CFDP1: variants seen among roughly 807,000 people sequenced by gnomAD.
The protein encoded by CFDP1 is chromatin remodeling protein CFDP1.
In CFDP1, 31 loss-of-function variants were observed where a neutral mutation model predicts 40.1. The ratio of observed to expected loss-of-function variants is 0.77; its 90% CI spans 0.58 to 1.04. The LOEUF is 1.04. Ranked by LOEUF, CFDP1 falls within the 50% of genes least tolerant of loss-of-function variation. CFDP1 has a pLI of 0.00. For missense variants in CFDP1, 423 were observed against 343.4 expected (o/e 1.23, Z -1.83); for synonymous variants, 167 against 120.0 (o/e 1.39, Z -2.56).
chr16:75,337,074 T>A (rs1567649622), intron 5 of CFDP1, among the ~76,000 whole-genome samples: 1 of 152,132 alleles, frequency 6.6e-6, no homozygotes, highest in Non-Finnish European at 1.5e-5. Flanking sequence ...CACAAGTTTT[T>A]AAAAAAAATT....
At chr16:75,318,326 C>T (rs978388853) in intron 5 of CFDP1, among the ~76,000 whole-genome samples, 5 of 152,074 alleles carry the variant, frequency 3.3e-5, no homozygotes, top group African/African-American at 1.2e-4. Flanking sequence ...CAGGACAAAG[C>T]ACTGGGCAGA....
chr16:75,379,773 C>T (rs1354233404), intron 5 of CFDP1: 1 of 152,108 alleles, frequency 6.6e-6, no homozygotes, highest in African/African-American at 2.4e-5. Context: ...GGAATCTCTG[C>T]ACTAGTTTAT....
chr16:75,383,756 T>C (rs1009101291), intron 5 of CFDP1, among the ~76,000 whole-genome samples: 2 of 148,052 alleles, frequency 1.4e-5, no homozygotes, highest in African/African-American at 5.0e-5. Flanking sequence ...GAGGTGGAGG[T>C]TGCAGTAAGC....
At chr16:75,415,905 T>G (rs187949066) in intron 1 of CFDP1, among the ~76,000 whole-genome samples, 2 of 152,084 alleles carry the variant, frequency 1.3e-5, no homozygotes, top group Non-Finnish European at 2.9e-5. Context: ...CAGGCTGGAG[T>G]GCAGTGGCGC....
intron 4 of CFDP1, among the ~76,000 whole-genome samples, chr16:75,410,219 CTAAT>C (rs1246131226): frequency 2.6e-5 from 4 of 152,042 alleles, no homozygotes; most frequent in Non-Finnish European, 4.4e-5. Context: ...GCCTACAGGT[CTAAT>C]TAATTACTGC....
rs761375655 is a variant in CFDP1, at chr16:75,412,522, T to C, written c.402+13A>G. 2.5e-6 allele frequency: 4 copies of C among 1,601,506 alleles called. No homozygotes were observed. Among genetic ancestry groups the C allele is most frequent in the South Asian group, 2.2e-5 (2 of 90,806 alleles). On this transcript the variant is annotated intron_variant, in intron 3 of 6. Coordinates refer to ENST00000283882, the MANE Select transcript of CFDP1 (RefSeq NM_006324.3). The stretch of plus-strand genomic sequence containing the variant: ...TCTGGAGAGGCATTCACCTCACTAA[T>C]GTCTCAACTTACCTTAACTTGTGTA...
intron 5 of CFDP1, chr16:75,306,600 T>TA (rs755791498): frequency 5.9e-5 from 9 of 152,136 alleles, no homozygotes; most frequent in Non-Finnish European, 1.0e-4. Flanking sequence ...GTTGGACAAA[T>TA]AAACAAAGTT....
chr16:75,399,271 C>A (rs2079027442), intron 4 of CFDP1, among the ~76,000 whole-genome samples: 1 of 152,120 alleles, frequency 6.6e-6, no homozygotes, highest in Non-Finnish European at 1.5e-5. Flanking sequence ...CCAAAATAAA[C>A]CCACATCCAA....
chr16:75,391,141 A>C (rs549322464), intron 5 of CFDP1: 1 of 152,236 alleles, frequency 6.6e-6, no homozygotes, highest in Non-Finnish European at 1.5e-5. Context: ...TAATTATAGT[A>C]GCAAAGAGTA....
At chr16:75,404,423 G>A (rs1008201343) in intron 4 of CFDP1, among the ~76,000 whole-genome samples, 9 of 151,676 alleles carry the variant, frequency 5.9e-5, no homozygotes, top group East Asian at 2.0e-4. Flanking sequence ...GGGTTTCACC[G>A]TGTTAGCCAG....
intron 5 of CFDP1, among the ~76,000 whole-genome samples, chr16:75,335,291 TA>T (rs575255356): frequency 1.8e-3 from 278 of 152,330 alleles, no homozygotes; most frequent in African/African-American, 6.4e-3. Flanking sequence ...CCTTTGCCCT[TA>T]GGGGGAAAAA....
At chr16:75,390,357 C>T (rs572656117) in intron 5 of CFDP1, among the ~76,000 whole-genome samples, 46 of 152,356 alleles carry the variant, frequency 3.0e-4, no homozygotes, top group African/African-American at 7.5e-4. Context: ...GCCTGCACAG[C>T]GCAGTTTTGG....
intron 4 of CFDP1, among the ~76,000 whole-genome samples, chr16:75,404,681 C>T (rs2079083898): frequency 6.6e-6 from 1 of 150,450 alleles, no homozygotes; most frequent in African/African-American, 2.5e-5. Context: ...GGACATTATG[C>T]AATACAAATG....
At chr16:75,315,932 C>T (rs1005293116) in intron 5 of CFDP1, among the ~76,000 whole-genome samples, 3 of 152,176 alleles carry the variant, frequency 2.0e-5, no homozygotes, top group African/African-American at 7.2e-5. Flanking sequence ...TTCAAAGTTT[C>T]TTTAGTCTCC....
chr16:75,386,803 G>A (rs1329572343), intron 5 of CFDP1, among the ~76,000 whole-genome samples: 5 of 152,132 alleles, frequency 3.3e-5, no homozygotes, highest in Admixed American at 1.3e-4. Context: ...TTCATGACCC[G>A]AATTGTCAGA....
At chr16:75,296,989 A>T (rs1458708918) in intron 6 of CFDP1, among the ~76,000 whole-genome samples, 2 of 147,136 alleles carry the variant, frequency 1.4e-5, no homozygotes, top group African/African-American at 5.1e-5. Context: ...CAAGATACTT[A>T]ATTTTCTGTG....
At chr16:75,372,685 C>T (rs997842344) in intron 5 of CFDP1, 1 of 152,170 alleles carries the variant, frequency 6.6e-6, no homozygotes. Context: ...AACTCTTCCT[C>T]CCAGGTTTTG....
chr16:75,419,452 C>A (rs1483350196), intron 1 of CFDP1, among the ~76,000 whole-genome samples: 3 of 152,190 alleles, frequency 2.0e-5, no homozygotes, highest in African/African-American at 7.2e-5. Context: ...GACATCACTT[C>A]TCAAACTCTA....
rs1156894456 is a variant in CFDP1 at position 75,396,509 on chromosome 16, A to G, written c.531-1300T>C. 2.9e-5 allele frequency among the ~76,000 whole-genome samples: 3 copies of G among 104,110 alleles called. 1 individual carries two copies. Among genetic ancestry groups the G allele is most frequent in the Non-Finnish European group, 4.6e-5 (2 of 43,482 alleles). The allele number at this position is 104,110 out of a possible 152,430, so 68.3% of individuals were successfully genotyped here. A position where few individuals can be genotyped will look rare whatever the true frequency, so the allele number is the denominator to read the frequency against. On this transcript the variant is annotated intron_variant, in intron 4 of 6. Transcript: ENST00000283882. ...AGCTCAGACCACGCCACTGCACTTC[A>G]GCCTGGGCAACAGAGCGAGACTCTG... is the stretch of plus-strand genomic sequence containing the variant.
Sources: gnomAD v4.1 joint callset for allele counts (sites outside exome capture counted in the v4.1 genomes callset) on GRCh38, gnomAD v4.1.1 for gene constraint, MANE v1.5 for transcripts, NCBI Gene and HGNC (gene_info 2026-07-23, HGNC 2026-07-21) for gene names.